The following DAB1 variants were observed in gnomAD, a reference collection of about 807,000 sequenced individuals.
The protein encoded by DAB1 is DAB adaptor protein 1, also known as disabled homolog 1.
DAB1 carries 15 observed loss-of-function variants against 64.6 expected under a neutral mutation model. The observed-to-expected ratio is 0.23, with a 90% CI of 0.16 to 0.36. DAB1 has a LOEUF of 0.36. Ranked by LOEUF, DAB1 falls within the 10% of genes least tolerant of loss-of-function variation. The pLI, the probability that DAB1 is intolerant of heterozygous loss-of-function variation, is 1.00. For missense variants in DAB1, 596 were observed against 706.7 expected (o/e 0.84, Z 1.78); for synonymous variants, 235 against 251.9 (o/e 0.93, Z 0.64).
chr1:57,568,136 T>A (rs1645146246), intron 7 of DAB1, among the ~76,000 whole-genome samples: 1 of 152,132 alleles, frequency 6.6e-6, no homozygotes, highest in Non-Finnish European at 1.5e-5. Context: ...TCTACAACTA[T>A]CTGATCTTTG....
At chr1:58,025,649 GTGTATATATATATA>G (rs1457689412) in intron 5 of DAB1, among the ~76,000 whole-genome samples, 6 of 115,062 alleles carry the variant, frequency 5.2e-5, no homozygotes, top group African/African-American at 1.8e-4. Flanking sequence ...ATATATATGT[GTGTATATATATATA>G]TATATATATA....
At chr1:57,577,240 G>A (rs1645261087) in intron 7 of DAB1, among the ~76,000 whole-genome samples, 1 of 152,160 alleles carries the variant, frequency 6.6e-6, no homozygotes, top group South Asian at 2.1e-4. Context: ...GTGTTTATCA[G>A]CTAGGCTTTT....
chr1:57,650,230 A>G (rs1646240497), intron 6 of DAB1, among the ~76,000 whole-genome samples: 1 of 152,098 alleles, frequency 6.6e-6, no homozygotes, highest in Non-Finnish European at 1.5e-5. Context: ...CTGCAGCCTC[A>G]ACCTCCTAGG....
intron 6 of DAB1, among the ~76,000 whole-genome samples, chr1:57,820,897 T>C (rs1652086201): frequency 6.6e-6 from 1 of 152,182 alleles, no homozygotes; most frequent in Non-Finnish European, 1.5e-5. Flanking sequence ...CTCCCAGATA[T>C]AAAGAGAACA....
chr1:57,688,416 C>G (rs1028475381), intron 6 of DAB1, among the ~76,000 whole-genome samples: 3 of 152,110 alleles, frequency 2.0e-5, no homozygotes, highest in Non-Finnish European at 4.4e-5. Flanking sequence ...CAAATAATAA[C>G]AGATGCTGGT....
At chr1:57,479,995 T>C (rs1199390639) in intron 7 of DAB1, among the ~76,000 whole-genome samples, 1 of 151,172 alleles carries the variant, frequency 6.6e-6, no homozygotes. Flanking sequence ...CTACTAAAAA[T>C]ACAAAAATTA....
chr1:57,156,171 C>T (rs1361361359), intron 2 of DAB1, among the ~76,000 whole-genome samples: 3 of 150,948 alleles, frequency 2.0e-5, no homozygotes, highest in Non-Finnish European at 4.4e-5. Flanking sequence ...AATCCATGCC[C>T]CACACTGCTT....
intron 2 of DAB1, among the ~76,000 whole-genome samples, chr1:57,255,460 G>A (rs549368450): frequency 2.0e-5 from 3 of 152,020 alleles, no homozygotes; most frequent in Non-Finnish European, 4.4e-5. Context: ...CCAGGAGTTC[G>A]AGACCAGCCT....
intron 5 of DAB1, among the ~76,000 whole-genome samples, chr1:57,960,529 A>G (rs1054421093): frequency 2.0e-5 from 3 of 152,180 alleles, no homozygotes; most frequent in African/African-American, 7.2e-5. Context: ...TGAGTGTTAA[A>G]TATTTAAAAA....
chr1:57,918,685 A>G (rs1005981144), intron 5 of DAB1, among the ~76,000 whole-genome samples: 37 of 152,130 alleles, frequency 2.4e-4, no homozygotes, highest in Admixed American at 1.8e-3. Context: ...TTAGCCGGGC[A>G]TGGTGGCGGG....
chr1:57,426,547 G>GA (rs1243129825), upstream of DAB1, among the ~76,000 whole-genome samples: 3 of 151,622 alleles, frequency 2.0e-5, no homozygotes, highest in Non-Finnish European at 2.9e-5. Context: ...TGTGGCATAA[G>GA]AAAAAAATCT....
intron 7 of DAB1, among the ~76,000 whole-genome samples, chr1:57,524,511 G>A (rs1294625809): frequency 1.3e-5 from 2 of 152,174 alleles, no homozygotes; most frequent in Non-Finnish European, 2.9e-5. Flanking sequence ...AAAGTGTGGT[G>A]GATTATCATT....
chr1:58,247,316 T>C (rs577769368), intron 4 of DAB1, among the ~76,000 whole-genome samples: 18 of 148,996 alleles, frequency 1.2e-4, no homozygotes, highest in Admixed American at 6.0e-4. Context: ...AAGTTGTCCA[T>C]TCGATGGAAG....
intron 7 of DAB1, among the ~76,000 whole-genome samples, chr1:57,612,326 C>A (rs1645738307): frequency 6.6e-6 from 1 of 151,978 alleles, no homozygotes; most frequent in Non-Finnish European, 1.5e-5. Flanking sequence ...ATCCCCAAAA[C>A]CTGTGATTAT....
At chr1:57,215,834 C>A (rs1004670249) in intron 2 of DAB1, among the ~76,000 whole-genome samples, 2 of 152,128 alleles carry the variant, frequency 1.3e-5, no homozygotes, top group African/African-American at 4.8e-5. Context: ...CTGAAAGCCC[C>A]TATTTGGAAA....
At chr1:58,076,527 T>C (rs1451832282) in intron 5 of DAB1, among the ~76,000 whole-genome samples, 2 of 152,232 alleles carry the variant, frequency 1.3e-5, no homozygotes, top group East Asian at 1.9e-4. Context: ...CTAAGTGCCA[T>C]GCTAGAAGCA....
At chr1:57,662,487 C>A (rs983415756) in intron 6 of DAB1, among the ~76,000 whole-genome samples, 1 of 152,222 alleles carries the variant, frequency 6.6e-6, no homozygotes, top group African/African-American at 2.4e-5. Flanking sequence ...TGAGCCACCA[C>A]GCCTGGCCTG....
intron 3 of DAB1, among the ~76,000 whole-genome samples, chr1:58,416,304 C>G (rs1644719333): frequency 6.6e-6 from 1 of 152,084 alleles, no homozygotes; most frequent in Non-Finnish European, 1.5e-5. Flanking sequence ...GCTGCATGAC[C>G]CCAAAGAAAG....
At chr1:57,665,883 GTT>G (rs547260145) in intron 6 of DAB1, among the ~76,000 whole-genome samples, 3 of 142,602 alleles carry the variant, frequency 2.1e-5, no homozygotes, top group Non-Finnish European at 3.0e-5. Context: ...GTGTGTGTGT[GTT>G]TGCGTGTGCA....
Sources: gnomAD v4.1 joint callset for allele counts (sites outside exome capture counted in the v4.1 genomes callset) on GRCh38, gnomAD v4.1.1 for gene constraint, MANE v1.5 for transcripts, NCBI Gene and HGNC (gene_info 2026-07-23, HGNC 2026-07-21) for gene names.